The following TBCK variants were observed in gnomAD, a reference collection of about 807,000 sequenced individuals.
TBCK encodes the protein TBC domain-containing protein kinase-like protein.
Under a neutral mutation model 113.4 loss-of-function variants are expected in TBCK, and 99 were observed. The observed-to-expected ratio is 0.87, with a 90% CI of 0.74 to 1.03. TBCK has a LOEUF of 1.03. Ranked by LOEUF, TBCK falls within the 50% of genes least tolerant of loss-of-function variation. TBCK has a pLI of 0.00. For synonymous variants in TBCK, 369 were observed against 370.8 expected (o/e 1.00, Z 0.05); for missense variants, 1,045 against 1,061.3 (o/e 0.98, Z 0.21).
rs368326492 is a variant in TBCK, at chr4:106,072,466, C to A, written c.2571+23016G>T. On this transcript the variant is annotated intron_variant, in intron 25 of 25. Coordinates refer to ENST00000394708, the MANE Select transcript of TBCK (RefSeq NM_001163435.3). ...GGTAGAGTGTCTGCCGAGAGATCTG[C>A]TGTTAGTTTGATGGGCTTCCCTTTG... 1.7e-4 allele frequency among the ~76,000 whole-genome samples: 26 copies of A among 152,326 alleles called. No individual in the cohort carries two copies. In the East Asian group the frequency reaches 4.2e-3, roughly 25 times the overall value.
chr4:106,072,462 T>C (rs1432155100), intron 25 of TBCK, among the ~76,000 whole-genome samples: 1 of 152,232 alleles, frequency 6.6e-6, no homozygotes. Flanking sequence ...TGCCGAGAGA[T>C]CTGCTGTTAG....
chr4:106,061,698 T>A (rs1463816294), intron 25 of TBCK, among the ~76,000 whole-genome samples: 1 of 151,254 alleles, frequency 6.6e-6, no homozygotes, highest in Admixed American at 6.6e-5. Context: ...ATATGCCCGA[T>A]TCACAGGCAG....
At chr4:106,087,063 G>C (rs775614735) in intron 25 of TBCK, among the ~76,000 whole-genome samples, 2 of 152,156 alleles carry the variant, frequency 1.3e-5, no homozygotes, top group Non-Finnish European at 2.9e-5. Flanking sequence ...ATTCAACACA[G>C]TATAGGAAGT....
intron 22 of TBCK, among the ~76,000 whole-genome samples, chr4:106,185,768 G>T (rs1752949861): frequency 6.6e-6 from 1 of 151,954 alleles, no homozygotes; most frequent in Non-Finnish European, 1.5e-5. Flanking sequence ...TACATGTATG[G>T]GTGTGTTATA....
chr4:106,209,268 T>C (rs1423927643), intron 20 of TBCK, among the ~76,000 whole-genome samples: 1 of 152,226 alleles, frequency 6.6e-6, no homozygotes, highest in African/African-American at 2.4e-5. Flanking sequence ...ATTTAGTTAT[T>C]GAGTAATTCA....
At chr4:106,117,467 T>G (rs1006857930) in intron 23 of TBCK, among the ~76,000 whole-genome samples, 4 of 152,166 alleles carry the variant, frequency 2.6e-5, no homozygotes, top group Non-Finnish European at 4.4e-5. Flanking sequence ...AAACTAACAA[T>G]GTGTCTTAAC....
chr4:106,305,167 C>T (rs1293452934), intron 2 of TBCK, among the ~76,000 whole-genome samples: 1 of 151,968 alleles, frequency 6.6e-6, no homozygotes, highest in Admixed American at 6.6e-5. Context: ...TACATCTTCA[C>T]CTTGATTATT....
intron 25 of TBCK, among the ~76,000 whole-genome samples, chr4:106,056,324 C>A (rs909612115): frequency 7.2e-6 from 1 of 139,848 alleles, no homozygotes; most frequent in African/African-American, 2.7e-5. Context: ...AGACTGGTAT[C>A]GAACTCCTGG....
At chr4:106,059,744 G>A (rs533495608) in intron 25 of TBCK, among the ~76,000 whole-genome samples, 4 of 151,832 alleles carry the variant, frequency 2.6e-5, no homozygotes, top group South Asian at 4.2e-4. Context: ...AAAAAATCTA[G>A]AAATAAGATT....
intron 20 of TBCK, among the ~76,000 whole-genome samples, chr4:106,205,587 CAAAAAAAAAAAAAA>C (rs70941240): frequency 1.6e-5 from 1 of 64,200 alleles, no homozygotes; most frequent in Non-Finnish European, 2.9e-5. Flanking sequence ...ACTAAAAATA[CAAAAAAAAAAAAAA>C]AAAAAAAAAA....
intron 5 of TBCK, among the ~76,000 whole-genome samples, chr4:106,253,928 T>C (rs1029208555): frequency 6.6e-6 from 1 of 152,212 alleles, no homozygotes; most frequent in Non-Finnish European, 1.5e-5. Context: ...GGGACAAAGA[T>C]AGAGAGGGAG....
chr4:106,180,904 G>A (rs1465708718), intron 22 of TBCK, among the ~76,000 whole-genome samples: 1 of 152,046 alleles, frequency 6.6e-6, no homozygotes, highest in Non-Finnish European at 1.5e-5. Flanking sequence ...CCCAGTAATG[G>A]GATTACTGGG....
In TBCK at chr4:106,308,817, G is replaced by A. The variant is rs1767836726; in HGVS notation, c.144C>T (p.Ile48=). 1 of 1,614,058 alleles carries A rather than the reference G, an allele frequency of 6.2e-7. No individual in the cohort carries two copies. Among genetic ancestry groups the A allele is most frequent in the South Asian group, 1.1e-5 (1 of 91,088 alleles). The change falls in exon 2 of 26, where the codon ATC becomes ATT. Residue 48 remains isoleucine (I), a synonymous_variant. Coordinates refer to ENST00000394708, the MANE Select transcript of TBCK (RefSeq NM_001163435.3). ...CATACTGGCAGAGTCTGGGATGGGTGATGGTTTTAAGGATTTGAAAGCGCC... is the reference window on the plus strand; with the variant it reads ...CATACTGGCAGAGTCTGGGATGGGTAATGGTTTTAAGGATTTGAAAGCGCC... ...ILGRFQILKT[I]THPRLCQYVD...
At chr4:106,261,636 A>G (rs1434718367) in intron 4 of TBCK, among the ~76,000 whole-genome samples, 1 of 152,102 alleles carries the variant, frequency 6.6e-6, no homozygotes, top group Non-Finnish European at 1.5e-5. Flanking sequence ...GCACTTCAAT[A>G]GTAAAAGGAG....
At chr4:106,294,829 G>T (rs965355196) in intron 3 of TBCK, among the ~76,000 whole-genome samples, 23 of 152,196 alleles carry the variant, frequency 1.5e-4, no homozygotes, top group Middle Eastern at 3.4e-3. Flanking sequence ...TACTAAGAAG[G>T]TTTCAAATTT....
Position 106,281,151 on chromosome 4 carries a change from GTATTT to G in TBCK, c.266+13938_266+13942del, listed in dbSNP as rs911287195. On this transcript the variant is annotated intron_variant, in intron 3 of 25. Coordinates refer to ENST00000394708, the MANE Select transcript of TBCK (RefSeq NM_001163435.3). ...CTTTCACTTCATGATTAATTCCTAG[GTATTT>G]TATTTTATTTGTAGCTATTATAAAT... Among the ~76,000 whole-genome samples, 31 of 151,818 alleles carry G rather than the reference GTATTT, an allele frequency of 2.0e-4. 1 individual carries two copies. The highest frequency in any genetic ancestry group is 6.8e-4 in the African/African-American group (28 of 41,424).
chr4:106,296,640 A>G (rs998053080), intron 2 of TBCK, among the ~76,000 whole-genome samples: 1 of 152,130 alleles, frequency 6.6e-6, no homozygotes. Context: ...TGTCTAGTGA[A>G]ATGGGATTAT....
chr4:106,262,263 T>G (rs1432432227), intron 3 of TBCK, 51 bp from the exon 4 acceptor site: 13 of 1,069,926 alleles, frequency 1.2e-5, no homozygotes, highest in Non-Finnish European at 1.4e-6. Context: ...AATAAATAAC[T>G]TGTTTTAACA....
At chr4:106,120,013 G>C (rs995854283) in intron 23 of TBCK, among the ~76,000 whole-genome samples, 1 of 152,164 alleles carries the variant, frequency 6.6e-6, no homozygotes, top group African/African-American at 2.4e-5. Context: ...CAGCCTGAGC[G>C]ACGCAGAAGA....
Sources: allele counts gnomAD v4.1 joint callset (sites outside exome capture counted in the v4.1 genomes callset), GRCh38; gene constraint gnomAD v4.1.1; transcripts MANE v1.5; gene names NCBI Gene and HGNC (gene_info 2026-07-23, HGNC 2026-07-21).